The following SLC30A6 variants were observed in gnomAD, a reference collection of about 807,000 sequenced individuals.
SLC30A6 encodes zinc transporter 6.
Under a neutral mutation model 63.0 loss-of-function variants are expected in SLC30A6, and 55 were observed. That is an observed-to-expected ratio of 0.87 (90% CI 0.70 to 1.09). The LOEUF is 1.09. SLC30A6 is among the 50% of genes least tolerant of loss of function. The pLI, the probability that SLC30A6 is intolerant of heterozygous loss-of-function variation, is 0.00. For missense variants in SLC30A6, 587 were observed against 549.2 expected, an observed-to-expected ratio of 1.07 and a Z score of -0.69; for synonymous variants, 224 against 186.1, an observed-to-expected ratio of 1.20 and a Z score of -1.66.
intron 5 of SLC30A6, among the ~76,000 whole-genome samples, chr2:32,185,686 TAAATC>T (rs533418166): frequency 2.6e-4 from 39 of 152,178 alleles, no homozygotes; most frequent in South Asian, 8.3e-4. Flanking sequence ...AAATCAATCA[TAAATC>T]AAAATGAATT....
At chr2:32,179,759 A>G (rs1682120695) in intron 4 of SLC30A6, among the ~76,000 whole-genome samples, 1 of 152,188 alleles carries the variant, frequency 6.6e-6, no homozygotes, top group Non-Finnish European at 1.5e-5. Context: ...ATGTATACAC[A>G]TCCACACACT....
rs543654142 is a variant in SLC30A6, at chr2:32,166,911, C to T, written c.3+1008C>T. ...TTACGCTCTTCTTCAAAACATTCAC[C>T]ATTGTGAAGCCTGTAGCCAGAGTTA... On this transcript the variant is annotated intron_variant, in intron 1 of 13. Coordinates refer to ENST00000282587, the MANE Select transcript of SLC30A6 (RefSeq NM_017964.5). 1.4e-4 allele frequency among the ~76,000 whole-genome samples: 21 copies of T among 152,130 alleles called. No homozygotes were observed. The South Asian group carries it at 3.5e-3, about 26-fold the overall frequency.
At chr2:32,206,185 G>A (rs1181260024) in intron 11 of SLC30A6, among the ~76,000 whole-genome samples, 1 of 151,558 alleles carries the variant, frequency 6.6e-6, no homozygotes, top group African/African-American at 2.4e-5. Context: ...GGTGGCTCAT[G>A]CCTGTAATCC....
intron 13 of SLC30A6, among the ~76,000 whole-genome samples, chr2:32,214,236 G>A (rs182215221): frequency 1.4e-4 from 21 of 152,076 alleles, no homozygotes; most frequent in Non-Finnish European, 1.5e-5. Flanking sequence ...TGCCCAGCCT[G>A]GGATAAACAT....
chr2:32,174,548 A>AT (rs11432136), intron 3 of SLC30A6, among the ~76,000 whole-genome samples: 77,675 of 92,082 alleles, frequency 0.84, 33,492 homozygotes, highest in Admixed American at 0.9. Flanking sequence ...CTATCTGGAG[A>AT]TTTTTTTTTT....
rs1040374924 is a variant in SLC30A6, at chr2:32,203,375, A to G, written c.666-1215A>G. The G allele has an allele frequency of 8.6e-6, 9 of 1,049,604 alleles. No individual in the cohort carries two copies. The African/African-American group carries it at 1.2e-4, about 15-fold the overall frequency. The allele number at this position is 1,049,604 out of a possible 1,614,324, so 65.0% of individuals were successfully genotyped here. ...TTCTACAATGGATTTAGTTAAATCTAAAAGCACGGATGCCATAAGGTCTCT... is the reference window on the plus strand; with the variant it reads ...TTCTACAATGGATTTAGTTAAATCTGAAAGCACGGATGCCATAAGGTCTCT... On this transcript the variant is annotated intron_variant, in intron 10 of 13. Coordinates refer to ENST00000282587, the MANE Select transcript of SLC30A6 (RefSeq NM_017964.5).
At chr2:32,197,176 A>T in intron 8 of SLC30A6, 168 bp from the exon 9 acceptor site, 1 of 605,768 alleles carries the variant, frequency 1.7e-6, no homozygotes, top group Non-Finnish European at 2.9e-6. Context: ...AATTAGTGGC[A>T]TAAGGGCATA....
At chr2:32,173,486 G>A (rs961187046) in intron 2 of SLC30A6, among the ~76,000 whole-genome samples, 2 of 151,288 alleles carry the variant, frequency 1.3e-5, no homozygotes, top group Admixed American at 1.3e-4. Context: ...CGATTCTCCT[G>A]CCTCAGCCTC....
Position 32,220,796 on chromosome 2 carries a change from AAT to A in SLC30A6, c.*84_*85del, listed in dbSNP as rs753907534. The A allele has an allele frequency of 1.7e-5, 21 of 1,212,140 alleles. No individual in the cohort carries two copies. Among genetic ancestry groups the A allele is most frequent in the Middle Eastern group, 2.3e-4 (1 of 4,280 alleles). The allele number at this position is 1,212,140 out of a possible 1,614,324, so 75.1% of individuals were successfully genotyped here. A position where few individuals can be genotyped will look rare whatever the true frequency, so the allele number is the denominator to read the frequency against. ...TAATCCAACTTTGCATTGACTGTTTAATCATTTACTCTAAATGTTAGATAATA... is the reference window on the plus strand; with the variant it reads ...TAATCCAACTTTGCATTGACTGTTTACATTTACTCTAAATGTTAGATAATA... On this transcript the variant is annotated 3_prime_UTR_variant, in exon 14 of 14. Transcript: ENST00000282587.
At chr2:32,175,280 G>C in intron 3 of SLC30A6, 39 bp from the exon 4 acceptor site, 1 of 1,585,896 alleles carries the variant, frequency 6.3e-7, no homozygotes, top group Non-Finnish European at 8.6e-7. Flanking sequence ...TTTTAGAGGG[G>C]TCAGTAATAC....
At chr2:32,176,657 CAA>C (rs570915713) in intron 4 of SLC30A6, among the ~76,000 whole-genome samples, 2 of 112,010 alleles carry the variant, frequency 1.8e-5, no homozygotes, top group Admixed American at 9.2e-5. Context: ...GATTCCATCT[CAA>C]AAAAAAAAAA....
rs1019086479 is a variant in SLC30A6, at chr2:32,191,427, C to T, written c.285-909C>T. Among the ~76,000 whole-genome samples the T allele has an allele frequency of 1.1e-4, 16 of 152,036 alleles. No homozygotes were observed. The South Asian group carries it at 2.5e-3, about 24-fold the overall frequency. On this transcript the variant is annotated intron_variant, in intron 5 of 13. Transcript: ENST00000282587. ...AATTTTTTTGTCTTTTCTGTGCCTC[C>T]GTGATTATTTTCTTGAAAAATTTTA... is the stretch of plus-strand genomic sequence containing the variant.
At chr2:32,202,042 T>G in intron 10 of SLC30A6, 1 of 1,010,290 alleles carries the variant, frequency 9.9e-7, no homozygotes, top group Non-Finnish European at 1.5e-6. Context: ...AAAGCAAGTA[T>G]CATCCTTAGA....
chr2:32,200,878 G>A (rs1319618907), intron 10 of SLC30A6, among the ~76,000 whole-genome samples: 2 of 151,988 alleles, frequency 1.3e-5, no homozygotes, highest in African/African-American at 4.8e-5. Context: ...CCTTTGCATA[G>A]TTGCAAAAAT....
At chr2:32,174,023 A>T (rs751180461) in intron 2 of SLC30A6, 40 bp from the exon 3 acceptor site, 1 of 1,496,380 alleles carries the variant, frequency 6.7e-7, no homozygotes, top group East Asian at 2.3e-5. Context: ...CGTGAAATTT[A>T]TCACTTCTGT....
chr2:32,183,469 A>G (rs995502074), intron 4 of SLC30A6, among the ~76,000 whole-genome samples: 4 of 151,578 alleles, frequency 2.6e-5, no homozygotes, highest in African/African-American at 9.7e-5. Flanking sequence ...ATCACTTGAG[A>G]CCAGGAGTTC....
intron 4 of SLC30A6, among the ~76,000 whole-genome samples, chr2:32,179,057 C>G (rs1682052838): frequency 6.6e-6 from 1 of 152,068 alleles, no homozygotes; most frequent in Non-Finnish European, 1.5e-5. Context: ...ATGAGGTCTT[C>G]TTATGTTGCC....
intron 10 of SLC30A6, chr2:32,202,309 C>T: frequency 2.3e-6 from 1 of 432,118 alleles, no homozygotes; most frequent in South Asian, 2.6e-5. Flanking sequence ...TTGAAAGACT[C>T]CAAAGAGATC....
chr2:32,168,021 A>G (rs1680836555), intron 1 of SLC30A6, among the ~76,000 whole-genome samples: 2 of 152,214 alleles, frequency 1.3e-5, no homozygotes, highest in African/African-American at 2.4e-5. Flanking sequence ...CCTGGCCCAG[A>G]GGAAGTTTTC....
Sources: allele counts gnomAD v4.1 joint callset (sites outside exome capture counted in the v4.1 genomes callset), GRCh38; gene constraint gnomAD v4.1.1; transcripts MANE v1.5; gene names NCBI Gene and HGNC (gene_info 2026-07-23, HGNC 2026-07-21).